Variants in UNC5D observed in about 807,000 individuals in gnomAD.
UNC5D encodes unc-5 netrin receptor D, also known as netrin receptor UNC5D.
In UNC5D, 39 loss-of-function variants were observed where a neutral mutation model predicts 105.4. The ratio of observed to expected loss-of-function variants is 0.37; its 90% confidence interval spans 0.29 to 0.48. The LOEUF (loss-of-function observed/expected upper bound fraction) is 0.48. Among genes scored for constraint, UNC5D ranks in the 20% least tolerant of loss-of-function variants. The pLI is 0.98. For missense variants in UNC5D, 991 were observed against 1,202.4 expected (o/e 0.82, Z 2.60); for synonymous variants, 452 against 450.4 (o/e 1.00, Z -0.04).
intron 1 of UNC5D, among the ~76,000 whole-genome samples, chr8:35,389,556 C>G (rs567215685): frequency 3.9e-5 from 6 of 152,192 alleles, no homozygotes; most frequent in African/African-American, 1.4e-4. Context: ...ACATCTTTCC[C>G]CTGCCTCTTT....
chr8:35,768,772 A>C (rs76216020), intron 15 of UNC5D, among the ~76,000 whole-genome samples: 1 of 152,360 alleles, frequency 6.6e-6, no homozygotes, highest in African/African-American at 2.4e-5. Flanking sequence ...CTAATGCTTC[A>C]CAAGTTTACA....
intron 1 of UNC5D, among the ~76,000 whole-genome samples, chr8:35,477,971 G>A (rs1393095993): frequency 3.3e-5 from 5 of 152,066 alleles, no homozygotes; most frequent in African/African-American, 1.2e-4. Context: ...TGAATCCCAT[G>A]CTAGGGAGCT....
intron 1 of UNC5D, among the ~76,000 whole-genome samples, chr8:35,493,825 T>G (rs910189299): frequency 1.3e-5 from 2 of 152,198 alleles, no homozygotes; most frequent in African/African-American, 2.4e-5. Flanking sequence ...TTTCCATGAA[T>G]AAGACCTTGC....
At chr8:35,711,395 G>A (rs984484507) in intron 8 of UNC5D, among the ~76,000 whole-genome samples, 2 of 151,724 alleles carry the variant, frequency 1.3e-5, no homozygotes, top group African/African-American at 2.4e-5. Flanking sequence ...GCCCAGGCCC[G>A]TCTTGAACTC....
At chr8:35,400,724 C>T (rs1804404836) in intron 1 of UNC5D, among the ~76,000 whole-genome samples, 1 of 152,154 alleles carries the variant, frequency 6.6e-6, no homozygotes, top group Non-Finnish European at 1.5e-5. Context: ...CACTCCTGTC[C>T]TCATCTCCCA....
intron 1 of UNC5D, among the ~76,000 whole-genome samples, chr8:35,521,842 C>T (rs1261893969): frequency 6.6e-6 from 1 of 152,192 alleles, no homozygotes; most frequent in Non-Finnish European, 1.5e-5. Flanking sequence ...TTTTAAGTAG[C>T]TGCTCTAAGG....
intron 1 of UNC5D, among the ~76,000 whole-genome samples, chr8:35,378,691 GT>G (rs937704039): frequency 3.3e-5 from 5 of 152,124 alleles, no homozygotes; most frequent in African/African-American, 9.7e-5. Context: ...CAATCCATTA[GT>G]TTTAGAACTC....
intron 1 of UNC5D, among the ~76,000 whole-genome samples, chr8:35,370,202 AG>A (rs942353914): frequency 1.3e-5 from 2 of 152,188 alleles, no homozygotes; most frequent in Non-Finnish European, 2.9e-5. Flanking sequence ...AAATACCATG[AG>A]TTAACCATGG....
At chr8:35,686,196 T>C (rs1826000177) in intron 6 of UNC5D, among the ~76,000 whole-genome samples, 1 of 152,202 alleles carries the variant, frequency 6.6e-6, no homozygotes, top group African/African-American at 2.4e-5. Flanking sequence ...CAGTGGTTAC[T>C]GCACACAGTT....
chr8:35,472,882 G>A (rs1455361880), intron 1 of UNC5D, among the ~76,000 whole-genome samples: 2 of 152,066 alleles, frequency 1.3e-5, no homozygotes, highest in Admixed American at 6.6e-5. Context: ...TAAAGATCCC[G>A]GGATGAAAGC....
At chr8:35,660,484 T>G (rs750184799) in intron 4 of UNC5D, among the ~76,000 whole-genome samples, 1 of 152,238 alleles carries the variant, frequency 6.6e-6, no homozygotes, top group Non-Finnish European at 1.5e-5. Context: ...CATTTTCTCC[T>G]GGAGCATTCT....
intron 1 of UNC5D, among the ~76,000 whole-genome samples, chr8:35,370,448 A>G (rs904080789): frequency 4.9e-4 from 75 of 152,326 alleles, no homozygotes; most frequent in African/African-American, 1.7e-3. Context: ...AGCCTTGTCA[A>G]TGTAATTGTG....
intron 1 of UNC5D, among the ~76,000 whole-genome samples, chr8:35,309,040 C>T (rs922349226): frequency 1.7e-4 from 26 of 152,050 alleles, no homozygotes; most frequent in African/African-American, 6.0e-4. Context: ...TTACCTGGTG[C>T]CTTCCAGAAA....
intron 1 of UNC5D, among the ~76,000 whole-genome samples, chr8:35,240,113 G>T (rs1024494323): frequency 1.3e-5 from 2 of 151,766 alleles, no homozygotes; most frequent in Admixed American, 6.6e-5. Flanking sequence ...GTAATTTTTT[G>T]TGTGTGTTTG....
intron 1 of UNC5D, among the ~76,000 whole-genome samples, chr8:35,269,619 TA>T (rs201906782): frequency 4.6e-5 from 7 of 152,140 alleles, no homozygotes; most frequent in African/African-American, 9.7e-5. Context: ...TCAACTTATT[TA>T]AAAAAAATTT....
intron 1 of UNC5D, among the ~76,000 whole-genome samples, chr8:35,251,782 C>T (rs1803714276): frequency 6.6e-6 from 1 of 151,974 alleles, no homozygotes; most frequent in Non-Finnish European, 1.5e-5. Flanking sequence ...TGATAAGAGG[C>T]CATATTTATG....
intron 3 of UNC5D, among the ~76,000 whole-genome samples, chr8:35,574,023 G>A (rs1055522219): frequency 2.0e-5 from 3 of 152,206 alleles, no homozygotes; most frequent in South Asian, 4.1e-4. Context: ...GTTCAATAGA[G>A]CCAGAGATAG....
rs747849416 is a variant in UNC5D, at chr8:35,568,149, A to T, written c.374A>T (p.Asp125Val). The T allele has an allele frequency of 6.2e-7, 1 of 1,614,138 alleles. No homozygotes were observed. The highest frequency in any genetic ancestry group is 2.2e-5 in the East Asian group (1 of 44,862). The stretch of plus-strand genomic sequence containing the variant: ...AATGTTACTAGGCAACAGGTGGAGG[A>T]CTTCCATGGGCCCGAGGACTATTGG... The part of the protein sequence containing the change: ...FINVTRQQVE[D>V]FHGPEDYWCQ... The change falls in exon 3 of 17, where the codon GAC (aspartate) becomes GTC (valine). Residue 125 changes from aspartate (D) to valine (V), a missense_variant. Transcript: ENST00000404895.
chr8:35,743,339 G>A (rs187406958), intron 11 of UNC5D, among the ~76,000 whole-genome samples: 51 of 151,846 alleles, frequency 3.4e-4, no homozygotes, highest in African/African-American at 1.1e-3. Context: ...GGGTGATCTC[G>A]GCTCACTGCA....
Sources: gnomAD v4.1 joint callset for allele counts (sites outside exome capture counted in the v4.1 genomes callset) on GRCh38, gnomAD v4.1.1 for gene constraint, MANE v1.5 for transcripts, NCBI Gene and HGNC (gene_info 2026-07-23, HGNC 2026-07-21) for gene names.